The following TOR3A variants were observed in gnomAD, a reference collection of about 807,000 sequenced individuals.
The protein encoded by TOR3A is torsin family 3 member A, also known as torsin-3A.
TOR3A carries 44 observed loss-of-function variants against 42.1 expected under a neutral mutation model. That is an observed-to-expected ratio of 1.04 (90% CI 0.82 to 1.34). TOR3A has a LOEUF of 1.34. Among genes scored for constraint, TOR3A ranks in the 40% most tolerant of loss-of-function variants. TOR3A has a pLI of 0.00. For missense variants in TOR3A, 521 were observed against 507.6 expected (o/e 1.03, Z -0.25); for synonymous variants, 227 against 213.2 (o/e 1.06, Z -0.57).
At chr1:179,082,809 A>G in intron 1 of TOR3A, 131 bp from the exon 2 acceptor site, 1 of 737,812 alleles carries the variant, frequency 1.4e-6, no homozygotes, top group Middle Eastern at 2.3e-4. Flanking sequence ...CAGTGGGCCG[A>G]GTCGGGGCTG....
intron 4 of TOR3A, chr1:179,091,653 T>C (rs1002401374): frequency 2.0e-5 from 3 of 152,308 alleles, no homozygotes; most frequent in African/African-American, 7.2e-5. Context: ...GACCTCTCTT[T>C]ACCCATGTAA....
At chr1:179,088,936 C>T (rs1202470402) in intron 4 of TOR3A, among the ~76,000 whole-genome samples, 1 of 152,228 alleles carries the variant, frequency 6.6e-6, no homozygotes, top group Non-Finnish European at 1.5e-5. Context: ...CAACTCCACT[C>T]CGGCCTCGCC....
At chr1:179,087,220 G>A (rs1652458594) in intron 3 of TOR3A, among the ~76,000 whole-genome samples, 1 of 152,228 alleles carries the variant, frequency 6.6e-6, no homozygotes, top group Admixed American at 6.5e-5. Context: ...CTTTTCACTT[G>A]AGGGTTTACT....
intron 5 of TOR3A, 138 bp from the exon 6 acceptor site, chr1:179,094,830 A>G: frequency 1.2e-6 from 1 of 806,554 alleles, no homozygotes; most frequent in Non-Finnish European, 2.1e-6. Flanking sequence ...AGGAGCCCAG[A>G]TCTCACCACT....
rs555072261 is a variant in TOR3A at position 179,082,135 on chromosome 1, C to T, written c.7C>T (p.Arg3Cys). ML[R>C]GPWRQLWLFF... is the part of the protein sequence containing the mutation. ...CCGCAGCTCGGGGCCGGCCATGCTT[C>T]GCGGTCCGTGGCGCCAGCTTTGGCT... The change falls in exon 1 of 6, where the codon CGC (arginine) becomes TGC (cysteine). Residue 3 changes from arginine to cysteine, a missense_variant. Physicochemically the swap from Arg to Cys is radical, Grantham distance 180 (BLOSUM62 -3). Transcript: ENST00000367627. 33 of 1,499,762 alleles carry T rather than the reference C, an allele frequency of 2.2e-5. No individual in the cohort carries two copies. Among genetic ancestry groups the T allele is most frequent in the African/African-American group, 4.4e-5 (3 of 68,800 alleles). 92.9% of individuals were successfully genotyped at this position (1,499,762 alleles called of 1,614,324 possible). A position where few individuals can be genotyped will look rare whatever the true frequency, so the allele number is the denominator to read the frequency against.
chr1:179,082,216 T>G lies in TOR3A; in HGVS notation c.88T>G (p.Trp30Gly), dbSNP rs1342031241. The change falls in exon 1 of 6, where the codon TGG (tryptophan) becomes GGG (glycine). Residue 30 changes from tryptophan to glycine, a missense_variant. Physicochemically the swap from Trp to Gly is radical, Grantham distance 184 (BLOSUM62 -2). Coordinates refer to ENST00000367627, the MANE Select transcript of TOR3A (RefSeq NM_022371.4). ...APEPRGASRP[W>G]EGTDEPGSAW... ...TGAGCCCCGCGGCGCCTCCAGGCCG[T>G]GGGAGGGAACCGACGAGCCGGGCTC... 6.6e-7 allele frequency: 1 copy of G among 1,511,356 alleles called. No homozygotes were observed. The highest frequency in any genetic ancestry group is 2.6e-5 in the East Asian group (1 of 37,940). 93.6% of individuals were successfully genotyped at this position (1,511,356 alleles called of 1,614,324 possible). A position where few individuals can be genotyped will look rare whatever the true frequency, so the allele number is the denominator to read the frequency against.
chr1:179,087,976 T>A lies in TOR3A; in HGVS notation c.705T>A (p.Asp235Glu). The change falls in exon 4 of 6, where the codon GAT becomes GAA. Residue 235 changes from aspartate (D) to glutamate (E), a missense_variant. Coordinates refer to ENST00000367627, the MANE Select transcript of TOR3A (RefSeq NM_022371.4). ...QLCHQTLFIFDEAEKLHPGLL... is the reference protein window; with the variant it reads ...QLCHQTLFIFEEAEKLHPGLL... ...GCCACCAGACCCTGTTCATCTTCGA[T>A]GAAGCGGAGAAGCTGCACCCAGGGC... The A allele has an allele frequency of 6.2e-7, 1 of 1,612,922 alleles. No individual in the cohort carries two copies. Among genetic ancestry groups the A allele is most frequent in the Non-Finnish European group, 8.5e-7 (1 of 1,179,548 alleles).
chr1:179,082,891 T>C (rs758828780), intron 1 of TOR3A, 49 bp from the exon 2 acceptor site: 1 of 1,287,182 alleles, frequency 7.8e-7, no homozygotes, highest in Non-Finnish European at 1.1e-6. Flanking sequence ...CGCATCACTG[T>C]AGAGCACCGG....
intron 3 of TOR3A, among the ~76,000 whole-genome samples, chr1:179,086,264 G>GAT (rs1652430291): frequency 1.3e-5 from 2 of 152,262 alleles, no homozygotes; most frequent in South Asian, 4.1e-4. Flanking sequence ...GTCAGCTAAG[G>GAT]AGAGGTAGCA....
At position 179,093,390 on chromosome 1, in the gene TOR3A, G is replaced by A. The variant is rs1042052922; in HGVS notation, c.819-703G>A. 2.0e-4 allele frequency among the ~76,000 whole-genome samples: 30 copies of A among 152,144 alleles called. 1 individual carries two copies. Among genetic ancestry groups the A allele is most frequent in the Non-Finnish European group, 8.8e-5 (6 of 68,038 alleles). On this transcript the variant is annotated intron_variant, in intron 4 of 5. Coordinates refer to ENST00000367627, the MANE Select transcript of TOR3A (RefSeq NM_022371.4). ...ACCAAACTTTCATCTCCACCTTTCC[G>A]TGTTCCACCTCTGTTAAGGGGGACA...
At chr1:179,090,161 AG>A (rs922133286) in intron 4 of TOR3A, among the ~76,000 whole-genome samples, 1 of 152,076 alleles carries the variant, frequency 6.6e-6, no homozygotes, top group Non-Finnish European at 1.5e-5. Flanking sequence ...TCCATGCCAC[AG>A]CAGGGTGGGG....
At chr1:179,093,378 C>T (rs1214763205) in intron 4 of TOR3A, among the ~76,000 whole-genome samples, 1 of 152,220 alleles carries the variant, frequency 6.6e-6, no homozygotes, top group African/African-American at 2.4e-5. Flanking sequence ...AAACTTTCAT[C>T]TCCACCTTTC....
intron 4 of TOR3A, among the ~76,000 whole-genome samples, chr1:179,091,461 A>G (rs1572576621): frequency 6.6e-6 from 1 of 152,184 alleles, no homozygotes; most frequent in African/African-American, 2.4e-5. Flanking sequence ...TAAAGCCTCT[A>G]AAGTGGTGGA....
chr1:179,082,405 C>T lies in TOR3A; in HGVS notation c.259+18C>T, dbSNP rs779436578. On this transcript the variant is annotated intron_variant, in intron 1 of 5. Coordinates refer to ENST00000367627, the MANE Select transcript of TOR3A (RefSeq NM_022371.4). ...GCCCCTGGGTAAGACCCCGTCCCCA[C>T]GGTCCGCCGTTCGCTGCGGAGCAGA... 3.8e-6 allele frequency: 6 copies of T among 1,587,664 alleles called. No homozygotes were observed. Among genetic ancestry groups the T allele is most frequent in the Non-Finnish European group, 5.1e-6 (6 of 1,170,530 alleles).
chr1:179,092,841 C>CAAAAAAAAA (rs1349060090), intron 4 of TOR3A, among the ~76,000 whole-genome samples: 3 of 146,072 alleles, frequency 2.1e-5, no homozygotes, highest in Non-Finnish European at 4.5e-5. Context: ...AACTCTGTCT[C>CAAAAAAAAA]AAGAAAAAAA....
At chr1:179,087,343 G>T (rs1053505964) in intron 3 of TOR3A, among the ~76,000 whole-genome samples, 1 of 152,142 alleles carries the variant, frequency 6.6e-6, no homozygotes, top group African/African-American at 2.4e-5. Context: ...GCCCAGCCAG[G>T]GTGCCAGTGG....
chr1:179,087,939 C>G lies in TOR3A; in HGVS notation c.668C>G (p.Thr223Arg). The change falls in exon 4 of 6, where the codon ACG becomes AGG. Residue 223 changes from threonine (T) to arginine (R), a missense_variant. Transcript: ENST00000367627. ...KEQLMSQIRE[T>R]QQLCHQTLFI... ...CAGCTGATGAGCCAGATCCGGGAGA[C>G]GCAGCAGCTCTGCCACCAGACCCTG... is the stretch of plus-strand genomic sequence containing the variant. 6.2e-7 allele frequency: 1 copy of G among 1,601,760 alleles called. No individual in the cohort carries two copies. Among genetic ancestry groups the G allele is most frequent in the Non-Finnish European group, 8.5e-7 (1 of 1,174,232 alleles).
In TOR3A at chr1:179,085,849, G is replaced by T; in HGVS notation, c.595G>T (p.Ala199Ser). The T allele has an allele frequency of 6.2e-7, 1 of 1,614,130 alleles. No individual in the cohort carries two copies. The change falls in exon 3 of 6, where the codon GCC becomes TCC. Residue 199 changes from alanine to serine, a missense_variant. Physicochemically the swap from Ala to Ser is moderately conservative, Grantham distance 99. Coordinates refer to ENST00000367627, the MANE Select transcript of TOR3A (RefSeq NM_022371.4). ...LMSDCVRMFI[A>S]TFHFPHPKYV... ...GAGTGACTGTGTCAGGATGTTCATC[G>T]CCACGTTCCACTTTCCTCACCCCAA...
chr1:179,082,743 A>G (rs1652325562), intron 1 of TOR3A, 197 bp from the exon 2 acceptor site: 1 of 704,226 alleles, frequency 1.4e-6, no homozygotes, highest in African/African-American at 1.7e-5. Context: ...CGCTGTGGAC[A>G]TGCCTGGTGA....
Sources: allele counts gnomAD v4.1 joint callset (sites outside exome capture counted in the v4.1 genomes callset), GRCh38; gene constraint gnomAD v4.1.1; transcripts MANE v1.5; gene names NCBI Gene and HGNC (gene_info 2026-07-23, HGNC 2026-07-21).